The following ANO6 variants were observed in gnomAD, a reference collection of about 807,000 sequenced individuals.
ANO6 encodes the protein anoctamin 6.
Under a neutral mutation model 117.5 loss-of-function variants are expected in ANO6, and 106 were observed. The observed-to-expected ratio is 0.90, with a 90% CI of 0.77 to 1.06. The LOEUF (loss-of-function observed/expected upper bound fraction) is 1.06, where lower values mean the gene tolerates loss of function less well. Ranked by LOEUF, ANO6 falls within the 50% of genes least tolerant of loss-of-function variation. ANO6 has a pLI of 0.00. For missense variants in ANO6, 955 were observed against 1,121.1 expected (o/e 0.85, Z 2.12); for synonymous variants, 367 against 385.1 (o/e 0.95, Z 0.55).
chr12:45,329,139 T>C (rs1159604526), intron 2 of ANO6, among the ~76,000 whole-genome samples: 1 of 152,184 alleles, frequency 6.6e-6, no homozygotes, highest in African/African-American at 2.4e-5. Flanking sequence ...GATCCTAATC[T>C]GACTGCTTTT....
intron 3 of ANO6, among the ~76,000 whole-genome samples, chr12:45,342,123 C>T (rs1230609893): frequency 6.6e-6 from 1 of 152,116 alleles, no homozygotes; most frequent in Non-Finnish European, 1.5e-5. Context: ...CATTTTGACT[C>T]TGAATCTAGC....
chr12:45,301,889 AATAAT>A, intron 1 of ANO6, 120 bp from the exon 2 acceptor site: 1 of 794,162 alleles, frequency 1.3e-6, no homozygotes, highest in East Asian at 2.6e-5. Context: ...GAAAGGGTTA[AATAAT>A]ATAAACCTGT....
intron 1 of ANO6, among the ~76,000 whole-genome samples, chr12:45,272,526 C>T (rs544119193): frequency 6.6e-6 from 1 of 152,196 alleles, no homozygotes; most frequent in Non-Finnish European, 1.5e-5. Context: ...AATATGGCCT[C>T]TCATGTCATA....
chr12:45,393,192 T>C (rs1942504505), intron 12 of ANO6, among the ~76,000 whole-genome samples: 1 of 152,176 alleles, frequency 6.6e-6, no homozygotes, highest in African/African-American at 2.4e-5. Flanking sequence ...GGGAACTTTG[T>C]GTTGCATGCA....
At chr12:45,409,161 G>A (rs1394015658) in intron 15 of ANO6, among the ~76,000 whole-genome samples, 196 bp from the exon 16 acceptor site, 1 of 152,182 alleles carries the variant, frequency 6.6e-6, no homozygotes, top group East Asian at 1.9e-4. Context: ...TGCAGCTTTG[G>A]TAAACCCTGG....
rs555651148 is a variant in ANO6 at position 45,407,235 on chromosome 12, C to T, written c.1881-2122C>T. 8.5e-5 allele frequency among the ~76,000 whole-genome samples: 13 copies of T among 152,150 alleles called. No homozygotes were observed. In the East Asian group the frequency reaches 1.5e-3, roughly 18 times the overall value. The stretch of plus-strand genomic sequence containing the variant: ...AAGATGACCTGATATGAGACGGAAG[C>T]GCCAGCTGACACAAGTAGTTGCCAG... On this transcript the variant is annotated intron_variant, in intron 15 of 19. Transcript: ENST00000320560.
intron 2 of ANO6, among the ~76,000 whole-genome samples, chr12:45,316,862 T>C (rs1940045314): frequency 6.6e-6 from 1 of 150,414 alleles, no homozygotes; most frequent in African/African-American, 2.4e-5. Context: ...ATTCTTACAC[T>C]TCACACTCTA....
At chr12:45,338,007 G>T (rs1322955401) in intron 3 of ANO6, among the ~76,000 whole-genome samples, 2 of 151,908 alleles carry the variant, frequency 1.3e-5, no homozygotes, top group African/African-American at 4.8e-5. Context: ...CAGGGTAAAA[G>T]AAATATAAAA....
intron 16 of ANO6, among the ~76,000 whole-genome samples, chr12:45,409,796 C>G (rs555020966): frequency 6.6e-6 from 1 of 152,200 alleles, no homozygotes; most frequent in East Asian, 1.9e-4. Context: ...CACTCTGTAG[C>G]CCAGGCTGGA....
chr12:45,322,877 T>C (rs1285525523), intron 2 of ANO6, among the ~76,000 whole-genome samples: 1 of 152,180 alleles, frequency 6.6e-6, no homozygotes, highest in Non-Finnish European at 1.5e-5. Context: ...CATATGACTT[T>C]ATCCTCCCAA....
intron 1 of ANO6, among the ~76,000 whole-genome samples, chr12:45,257,429 A>G (rs7295449): frequency 0.96 from 146,571 of 152,258 alleles, 70,790 homozygotes; most frequent in East Asian, 1. Flanking sequence ...ACTTGGAATG[A>G]TTTCGGTGAT....
chr12:45,364,614 TGTA>T (rs1279648330), intron 8 of ANO6, among the ~76,000 whole-genome samples: 1 of 152,198 alleles, frequency 6.6e-6, no homozygotes, highest in Non-Finnish European at 1.5e-5. Context: ...TTTTAGTTAT[TGTA>T]CTTTGCTAAT....
intron 9 of ANO6, among the ~76,000 whole-genome samples, chr12:45,371,381 C>G (rs1329201982): frequency 3.3e-5 from 5 of 152,350 alleles, no homozygotes; most frequent in Admixed American, 6.5e-5. Context: ...GGCCTGCCTG[C>G]CTCTGTAGGC....
chr12:45,242,973 CTT>C (rs1264265594), intron 1 of ANO6, among the ~76,000 whole-genome samples: 1 of 152,130 alleles, frequency 6.6e-6, no homozygotes, highest in Non-Finnish European at 1.5e-5. Context: ...ACCCTGTGCA[CTT>C]GTTACTTTAT....
intron 7 of ANO6, among the ~76,000 whole-genome samples, chr12:45,355,638 G>A (rs1352729291): frequency 6.6e-6 from 1 of 152,112 alleles, no homozygotes; most frequent in Non-Finnish European, 1.5e-5. Flanking sequence ...TGCCTTCCAT[G>A]AGCCAGAGAG....
chr12:45,375,193 G>T (rs985962204), intron 9 of ANO6, among the ~76,000 whole-genome samples: 11 of 152,042 alleles, frequency 7.2e-5, no homozygotes, highest in African/African-American at 2.4e-4. Context: ...CACTGCTCAA[G>T]GAAATAAAAG....
chr12:45,430,753 C>A lies in ANO6; in HGVS notation c.*1442C>A. The A allele has an allele frequency of 3.0e-6, 3 of 985,452 alleles. No individual in the cohort carries two copies. Among genetic ancestry groups the A allele is most frequent in the Non-Finnish European group, 3.6e-6 (3 of 829,960 alleles). 61.0% of individuals were successfully genotyped at this position (985,452 alleles called of 1,614,324 possible). A position where few individuals can be genotyped will look rare whatever the true frequency, so the allele number is the denominator to read the frequency against. On this transcript the variant is annotated 3_prime_UTR_variant, in exon 20 of 20. Coordinates refer to ENST00000320560, the MANE Select transcript of ANO6 (RefSeq NM_001025356.3). ...GCCCCCTCACTTTTGCTCAGCCTAG[C>A]AGTCTACTTCACTTTATTGCCTTGT...
intron 1 of ANO6, among the ~76,000 whole-genome samples, chr12:45,246,570 A>G (rs563000087): frequency 1.3e-5 from 2 of 152,194 alleles, no homozygotes; most frequent in South Asian, 4.1e-4. Context: ...TGTCAGATTT[A>G]GGGAATTCAT....
intron 1 of ANO6, among the ~76,000 whole-genome samples, chr12:45,297,948 A>G (rs1360462117): frequency 1.3e-5 from 2 of 152,194 alleles, no homozygotes; most frequent in Middle Eastern, 3.2e-3. Flanking sequence ...TCTTTCTTCA[A>G]GAAAACGGAA....
Sources: allele counts gnomAD v4.1 joint callset (sites outside exome capture counted in the v4.1 genomes callset), GRCh38; gene constraint gnomAD v4.1.1; transcripts MANE v1.5; gene names NCBI Gene and HGNC (gene_info 2026-07-23, HGNC 2026-07-21).